The following CLMN variants were observed in gnomAD, a reference collection of about 807,000 sequenced individuals.
The protein encoded by CLMN is calmin, also known as calmin (calponin-like, transmembrane).
Under a neutral mutation model 92.7 loss-of-function variants are expected in CLMN, and 57 were observed. The ratio of observed to expected loss-of-function variants is 0.61; its 90% CI spans 0.50 to 0.77. The LOEUF (loss-of-function observed/expected upper bound fraction) is 0.77, where lower values mean the gene tolerates loss of function less well. Among genes scored for constraint, CLMN ranks in the 30% least tolerant of loss-of-function variants. CLMN has a pLI of 0.00. For missense variants in CLMN, 1,158 were observed against 1,237.5 expected (o/e 0.94, Z 0.96); for synonymous variants, 466 against 470.6 (o/e 0.99, Z 0.13).
chr14:95,261,071 A>C (rs1467214563), intron 1 of CLMN, among the ~76,000 whole-genome samples: 1 of 152,102 alleles, frequency 6.6e-6, no homozygotes, highest in East Asian at 1.9e-4. Context: ...CTCATCCCTG[A>C]ACGAAGCTTA....
intron 1 of CLMN, among the ~76,000 whole-genome samples, chr14:95,310,388 C>T (rs1234701165): frequency 1.3e-5 from 2 of 152,206 alleles, no homozygotes; most frequent in Non-Finnish European, 2.9e-5. Context: ...CTCTGACCCT[C>T]CTGCTTCCTT....
chr14:95,294,257 C>T lies in CLMN; in HGVS notation c.82+25454G>A, dbSNP rs1012943657. Among the ~76,000 whole-genome samples, 1 of 152,218 alleles carries T rather than the reference C, an allele frequency of 6.6e-6. No individual in the cohort carries two copies. Among genetic ancestry groups the T allele is most frequent in the Non-Finnish European group, 1.5e-5 (1 of 68,042 alleles). ...TACAAAGATGAGGAAAAGGCATGGC[C>T]CCTGCTTGCACGGGGAAGACAAAAT... On this transcript the variant is annotated intron_variant, in intron 1 of 12. Transcript: ENST00000298912. The surrounding 1 kb of genome is among the most constrained non-coding windows in gnomAD (Gnocchi z 4.2).
chr14:95,260,325 G>A (rs371464755), intron 1 of CLMN, among the ~76,000 whole-genome samples: 5 of 152,054 alleles, frequency 3.3e-5, no homozygotes, highest in South Asian at 2.1e-4. Context: ...GCCTGTAGTC[G>A]CAGCTACTCG....
intron 1 of CLMN, among the ~76,000 whole-genome samples, chr14:95,272,239 C>T (rs8004373): frequency 0.098 from 14,907 of 152,030 alleles, 806 homozygotes; most frequent in African/African-American, 0.14. Context: ...GACACTGAGC[C>T]GGAGGAGGAG....
rs1034758619 is a variant in CLMN at position 95,188,852 on chromosome 14, A to G, written c.*2712T>C. The G allele has an allele frequency of 1.3e-5, 2 of 152,182 alleles. No homozygotes were observed. The highest frequency in any genetic ancestry group is 2.4e-5 in the African/African-American group (1 of 41,422). The allele number at this position is 152,182 out of a possible 1,614,324, so 9.4% of individuals were successfully genotyped here. On this transcript the variant is annotated 3_prime_UTR_variant, in exon 13 of 13. Coordinates refer to ENST00000298912, the MANE Select transcript of CLMN (RefSeq NM_024734.4). ...GGTATTATTTTCCACCTGTCATTCT[A>G]TGCTCAGCCACATTTCTGTTAAGGG...
At chr14:95,198,064 T>G (rs1160472655) in intron 9 of CLMN, among the ~76,000 whole-genome samples, 4 of 148,248 alleles carry the variant, frequency 2.7e-5, no homozygotes, top group Non-Finnish European at 6.0e-5. Flanking sequence ...TTTTTTTTTT[T>G]TTGAGATGGA....
chr14:95,208,356 T>C (rs900450798), intron 8 of CLMN, among the ~76,000 whole-genome samples: 1 of 152,088 alleles, frequency 6.6e-6, no homozygotes, highest in African/African-American at 2.4e-5. Context: ...GGGTTGTGCA[T>C]GGGTTGGGTG....
intron 2 of CLMN, among the ~76,000 whole-genome samples, chr14:95,226,065 C>T (rs1285135793): frequency 6.6e-6 from 1 of 152,178 alleles, no homozygotes; most frequent in Non-Finnish European, 1.5e-5. Flanking sequence ...GGCAGCTGAT[C>T]CCACTGCACC....
chr14:95,261,861 G>A (rs751492642), intron 1 of CLMN, among the ~76,000 whole-genome samples: 6 of 152,218 alleles, frequency 3.9e-5, no homozygotes, highest in South Asian at 2.1e-4. Context: ...TGGCTTCTGC[G>A]TCCCTGGCCT....
chr14:95,277,934 G>A (rs1405289114), intron 1 of CLMN, among the ~76,000 whole-genome samples: 1 of 152,212 alleles, frequency 6.6e-6, no homozygotes, highest in African/African-American at 2.4e-5. Flanking sequence ...GCCAGGCTTT[G>A]TCTATTCATG....
At chr14:95,292,238 T>C (rs1384655932) in intron 1 of CLMN, among the ~76,000 whole-genome samples, 2 of 152,182 alleles carry the variant, frequency 1.3e-5, no homozygotes. Context: ...AGGTAAATGG[T>C]AGTCATTTCT....
intron 1 of CLMN, among the ~76,000 whole-genome samples, chr14:95,252,881 C>T (rs750425675): frequency 2.8e-4 from 43 of 152,176 alleles, no homozygotes; most frequent in Non-Finnish European, 5.1e-4. Context: ...AGCTTTGCAT[C>T]GGGAACCCTT....
intron 1 of CLMN, among the ~76,000 whole-genome samples, chr14:95,254,377 A>G (rs1164768908): frequency 3.3e-5 from 5 of 152,182 alleles, no homozygotes; most frequent in Non-Finnish European, 7.3e-5. Context: ...CATGACATAA[A>G]CTTGGCATTT....
chr14:95,193,074 G>A (rs1345158200), intron 12 of CLMN: 2 of 460,444 alleles, frequency 4.3e-6, no homozygotes, highest in Non-Finnish European at 3.8e-6. Flanking sequence ...GTAATATTCA[G>A]ACAGAGGCTT....
At chr14:95,269,491 A>G (rs1566905705) in intron 1 of CLMN, among the ~76,000 whole-genome samples, 1 of 152,246 alleles carries the variant, frequency 6.6e-6, no homozygotes, top group Non-Finnish European at 1.5e-5. Context: ...GCCAGACCCA[A>G]GTCACAGCTA....
At chr14:95,196,374 A>C (rs1304215385) in intron 10 of CLMN, 124 bp downstream of exon 10, 1 of 927,292 alleles carries the variant, frequency 1.1e-6, no homozygotes, top group African/African-American at 1.7e-5. Flanking sequence ...ATTGTGTATG[A>C]AGCTGTATTT....
intron 1 of CLMN, among the ~76,000 whole-genome samples, chr14:95,289,876 T>C (rs969692793): frequency 6.6e-6 from 1 of 152,214 alleles, no homozygotes; most frequent in African/African-American, 2.4e-5. Context: ...ATGGTCCTTT[T>C]GCTCAGGGGC....
chr14:95,210,787 T>C lies in CLMN; in HGVS notation c.701A>G (p.Asp234Gly), dbSNP rs1897175921. ...VIKAIDPSLV[D>G]MKQALENSTR... ...GGAATTTTCCAGGGCCTGTTTCATG[T>C]CCACCAGGCTGGGGTCAATGGCCTT... The change falls in exon 7 of 13, where the codon GAC becomes GGC. Residue 234 changes from aspartate (D) to glycine (G), a missense_variant. Physicochemically the swap from Asp to Gly is moderately conservative, Grantham distance 94. Transcript: ENST00000298912. The C allele has an allele frequency of 6.3e-7, 1 of 1,599,966 alleles. No homozygotes were observed.
chr14:95,269,997 C>T (rs1214976152), intron 1 of CLMN, among the ~76,000 whole-genome samples: 2 of 151,794 alleles, frequency 1.3e-5, no homozygotes, highest in East Asian at 1.9e-4. Flanking sequence ...ACTCAGCTAG[C>T]GTTCCCTTAA....
Sources: gnomAD v4.1 joint callset for allele counts (sites outside exome capture counted in the v4.1 genomes callset) on GRCh38, gnomAD v4.1.1 for gene constraint, Gnocchi (gnomAD v3.1) non-coding constraint, MANE v1.5 for transcripts, NCBI Gene and HGNC (gene_info 2026-07-23, HGNC 2026-07-21) for gene names.